The following PLCB2 variants were observed in gnomAD, a reference collection of about 807,000 sequenced individuals.
The protein encoded by PLCB2 is 1-phosphatidylinositol 4,5-bisphosphate phosphodiesterase beta-2.
Under a neutral mutation model 141.7 loss-of-function variants are expected in PLCB2, and 115 were observed. The observed-to-expected ratio is 0.81, with a 90% CI of 0.70 to 0.95. The LOEUF (loss-of-function observed/expected upper bound fraction) is 0.95, where lower values mean the gene tolerates loss of function less well. Ranked by LOEUF, PLCB2 falls within the 40% of genes least tolerant of loss-of-function variation. The pLI is 0.00. For synonymous variants in PLCB2, 603 were observed against 595.6 expected (o/e 1.01, Z -0.18); for missense variants, 1,403 against 1,541.1 (o/e 0.91, Z 1.50).
chr15:40,301,980 C>T lies in PLCB2; in HGVS notation c.559G>A (p.Ala187Thr). 1 of 1,614,004 alleles carries T rather than the reference C, an allele frequency of 6.2e-7. No homozygotes were observed. The highest frequency in any genetic ancestry group is 8.5e-7 in the Non-Finnish European group (1 of 1,179,928). ...ACTTTGCCTTTGGGGAGGTGGCAGGCACTGAGAGCAGCTTCCACCCGCTTG... is the reference window on the plus strand; with the variant it reads ...ACTTTGCCTTTGGGGAGGTGGCAGGTACTGAGAGCAGCTTCCACCCGCTTG... The part of the protein sequence containing the change: ...DRKRVEAALS[A>T]CHLPKGKNDA... The change falls in exon 7 of 32, where the codon GCC becomes ACC. Residue 187 changes from alanine (A) to threonine (T), a missense_variant. By Grantham distance (58) the Ala-to-Thr change is moderately conservative (BLOSUM62 0). Around this residue, in one of 4 missense-constraint regions of PLCB2, gnomAD observed 975 missense variants for 1,141.1 expected, o/e 0.85. Transcript: ENST00000260402.
rs756532555 is a variant in PLCB2 at position 40,300,068 on chromosome 15, A to G, written c.583-840T>C. On this transcript the variant is annotated intron_variant, in intron 7 of 31. Transcript: ENST00000260402. ...TGACTAACCTAAAACCCCACACAGC[A>G]CTTTGGGAGGCCGAGGAGGGTGGAT... is the stretch of plus-strand genomic sequence containing the variant. Among the ~76,000 whole-genome samples, 3 of 152,216 alleles carry G rather than the reference A, an allele frequency of 2.0e-5. No individual in the cohort carries two copies. The South Asian group carries it at 6.2e-4, about 31-fold the overall frequency.
rs1259512684 is a variant in PLCB2 at position 40,288,513 on chromosome 15, C to T, written c.*202G>A. The T allele has an allele frequency of 7.6e-7, 1 of 1,308,626 alleles. No individual in the cohort carries two copies. Among genetic ancestry groups the T allele is most frequent in the African/African-American group, 1.5e-5 (1 of 67,738 alleles). The allele number at this position is 1,308,626 out of a possible 1,614,324, so 81.1% of individuals were successfully genotyped here. A position where few individuals can be genotyped will look rare whatever the true frequency, so the allele number is the denominator to read the frequency against. On this transcript the variant is annotated 3_prime_UTR_variant, in exon 32 of 32. Transcript: ENST00000260402. Reference sequence around the variant, plus strand: ...AGTCAGCTTGAGAAGACTTCTAGGCCCCAGAGAGGCCCTGCCGTGAGGGTG... The same window carrying T: ...AGTCAGCTTGAGAAGACTTCTAGGCTCCAGAGAGGCCCTGCCGTGAGGGTG...
At position 40,288,113 on chromosome 15, in the gene PLCB2, T is replaced by G; in HGVS notation, c.*602A>C. The G allele has an allele frequency of 2.0e-6, 2 of 985,470 alleles. No homozygotes were observed. Among genetic ancestry groups the G allele is most frequent in the Non-Finnish European group, 2.4e-6 (2 of 829,970 alleles). The allele number at this position is 985,470 out of a possible 1,614,324, so 61.0% of individuals were successfully genotyped here. On this transcript the variant is annotated 3_prime_UTR_variant, in exon 32 of 32. Transcript: ENST00000260402. ...CCAAGAGCCCACTGCCCCTTGTGAC[T>G]CAGCCAAGCAGGGCCAAGGCAGCTT... is the stretch of plus-strand genomic sequence containing the variant.
rs552025936 is a variant in PLCB2, at chr15:40,288,403, G to A, written c.*312C>T. On this transcript the variant is annotated 3_prime_UTR_variant, in exon 32 of 32. Transcript: ENST00000260402. ...AATAGGAAAGGCAGAGTGGGGCCAG[G>A]ATCCCACTTTCTGCCTTCCAGTCCA... 1.4e-5 allele frequency: 15 copies of A among 1,103,386 alleles called. No homozygotes were observed. In the South Asian group the frequency reaches 5.9e-4, roughly 44 times the overall value. 68.3% of individuals were successfully genotyped at this position (1,103,386 alleles called of 1,614,324 possible). A position where few individuals can be genotyped will look rare whatever the true frequency, so the allele number is the denominator to read the frequency against.
chr15:40,305,637 A>T (rs181122371), intron 1 of PLCB2, among the ~76,000 whole-genome samples: 1 of 152,346 alleles, frequency 6.6e-6, no homozygotes, highest in East Asian at 1.9e-4. Context: ...CCCCTAAAAT[A>T]GAAATGCTGG....
chr15:40,285,064 G>C (rs1322747501), downstream of PLCB2, among the ~76,000 whole-genome samples: 2 of 152,212 alleles, frequency 1.3e-5, no homozygotes, highest in Non-Finnish European at 2.9e-5. Context: ...GATAGGCGTG[G>C]CAAAGTGGGC....
intron 21 of PLCB2, 144 bp downstream of exon 21, chr15:40,292,782 C>T (rs1440218796): frequency 3.4e-6 from 2 of 582,618 alleles, no homozygotes; most frequent in African/African-American, 3.7e-5. Flanking sequence ...TCTTAGGTTC[C>T]TGGAGAGGTA....
At chr15:40,298,410 GC>G in intron 10 of PLCB2, 30 bp from the exon 11 acceptor site, 1 of 1,574,440 alleles carries the variant, frequency 6.4e-7, no homozygotes, top group Non-Finnish European at 8.7e-7. Context: ...AGAGGTGAGG[GC>G]ATCACCCAAA....
chr15:40,298,270 G>A lies in PLCB2; in HGVS notation c.1108C>T (p.Pro370Ser). Residue 370 changes from proline to serine, a missense_variant, in exon 11 of 32, where the codon CCC becomes TCC. Transcript: ENST00000260402. ...ATGGTGAAGCCATGGGTGATAATGG[G>A]CTCCTCGTCAGGGGGTTTCCCCTTC... ...CWKGKPPDEE[P>S]IITHGFTMTT... The A allele has an allele frequency of 1.3e-6, 2 of 1,597,148 alleles. No homozygotes were observed. Among genetic ancestry groups the A allele is most frequent in the Non-Finnish European group, 1.7e-6 (2 of 1,169,804 alleles).
At position 40,297,979 on chromosome 15, in the gene PLCB2, C is replaced by A; in HGVS notation, c.1156-20G>T. 1 of 1,560,880 alleles carries A rather than the reference C, an allele frequency of 6.4e-7. No individual in the cohort carries two copies. The highest frequency in any genetic ancestry group is 8.8e-7 in the Non-Finnish European group (1 of 1,133,182). ...TGCTTCCTGGAGGAGAAGGAGACTC[C>A]ATGAACAGAAGGTCAGCGTTCCGAC... On this transcript the variant is annotated intron_variant, in intron 11 of 31. Transcript: ENST00000260402. The surrounding 1 kb of genome is among the most constrained non-coding windows in gnomAD (Gnocchi z 4.2).
rs61755440 is a variant in PLCB2 at position 40,288,722 on chromosome 15, C to T, written c.3551G>A (p.Arg1184His). 18 of 1,585,274 alleles carry T rather than the reference C, an allele frequency of 1.1e-5. No homozygotes were observed. The highest frequency in any genetic ancestry group is 2.7e-5 in the African/African-American group (2 of 74,310). ...CCCAGTGGGATGGGGGCATCAGAGG[C>T]GGCTCTCCTGGGCATCTGCCTTTGC... ...LIAKADAQES[R>H]L Residue 1184 changes from arginine (R) to histidine (H), a missense_variant, in exon 32 of 32, where the codon CGC becomes CAC. Physicochemically the swap from Arg to His is conservative, Grantham distance 29. Around this residue, in one of 4 missense-constraint regions of PLCB2, gnomAD observed 132 missense variants for 132.4 expected, o/e 1.00. Coordinates refer to ENST00000260402, the MANE Select transcript of PLCB2 (RefSeq NM_004573.3).
chr15:40,296,673 G>T (rs1056730644), intron 14 of PLCB2, 39 bp from the exon 15 acceptor site: 1 of 1,611,334 alleles, frequency 6.2e-7, no homozygotes. Context: ...CTCCTGCATG[G>T]CTCCTCCAGG....
chr15:40,294,102 G>C (rs771984087), intron 19 of PLCB2, among the ~76,000 whole-genome samples, 164 bp downstream of exon 19: 15 of 152,358 alleles, frequency 9.8e-5, no homozygotes, highest in Non-Finnish European at 1.6e-4. Flanking sequence ...CCAGTGCTGA[G>C]GAGGAGGCAG....
intron 1 of PLCB2, among the ~76,000 whole-genome samples, chr15:40,306,940 C>T (rs533817560): frequency 3.0e-4 from 45 of 152,250 alleles, no homozygotes; most frequent in Non-Finnish European, 5.0e-4. Context: ...GGAACAGACA[C>T]AGCAGAGAGA....
chr15:40,293,575 G>A lies in PLCB2; in HGVS notation c.2211C>T (p.Pro737=), dbSNP rs1228616143. 6.2e-7 allele frequency: 1 copy of A among 1,613,776 alleles called. No homozygotes were observed. Among genetic ancestry groups the A allele is most frequent in the South Asian group, 1.1e-5 (1 of 91,074 alleles). ...TGGCCCCCACCTTCTCAAAGACAAA[G>A]GGCTCCTCCTTCCAGACAGGATTGA... ...NSINPVWKEE[P]FVFEKILMPE... The change falls in exon 20 of 32, where the codon CCC becomes CCT. Residue 737 remains proline (P), a synonymous_variant. Transcript: ENST00000260402.
downstream of PLCB2, chr15:40,285,843 A>G: frequency 1.0e-6 from 1 of 985,412 alleles, no homozygotes; most frequent in Non-Finnish European, 1.2e-6. Flanking sequence ...CAGAATGGGC[A>G]CTTTCTTGGT....
chr15:40,289,978 T>C (rs1237404954), intron 30 of PLCB2, 47 bp downstream of exon 30: 1 of 905,138 alleles, frequency 1.1e-6, no homozygotes, highest in African/African-American at 1.6e-5. Flanking sequence ...AGTGTGTGTG[T>C]GTGTGTGTGT....
chr15:40,284,897 G>A (rs987440558), downstream of PLCB2, among the ~76,000 whole-genome samples: 2 of 146,196 alleles, frequency 1.4e-5, no homozygotes, highest in African/African-American at 2.6e-5. Context: ...TGGAGGCAAA[G>A]GCTTGGAAGC....
intron 22 of PLCB2, 28 bp from the exon 23 acceptor site, chr15:40,292,186 A>G (rs911487256): frequency 1.4e-5 from 22 of 1,593,828 alleles, no homozygotes; most frequent in Non-Finnish European, 1.8e-5. Context: ...ACATTACAAC[A>G]TAGTGTATAT....
Sources: allele counts gnomAD v4.1 joint callset (sites outside exome capture counted in the v4.1 genomes callset), GRCh38; gene constraint gnomAD v4.1.1; regional missense constraint gnomAD v4.1.1; non-coding constraint Gnocchi (gnomAD v3.1); transcripts MANE v1.5; gene names NCBI Gene and HGNC (gene_info 2026-07-23, HGNC 2026-07-21).